DPY19L2: variants seen among roughly 807,000 people sequenced by gnomAD.
The protein encoded by DPY19L2 is dpy-19 like 2, also known as probable C-mannosyltransferase DPY19L2.
A neutral mutation model predicts 97.9 loss-of-function variants in DPY19L2; 34 were observed. The observed-to-expected ratio is 0.35, with a 90% CI of 0.26 to 0.46. DPY19L2 has a LOEUF of 0.46. Ranked by LOEUF, DPY19L2 falls within the 20% of genes least tolerant of loss-of-function variation. DPY19L2 has a pLI of 1.00. For missense variants in DPY19L2, 623 were observed against 911.4 expected, an observed-to-expected ratio of 0.68 and a Z score of 4.07; for synonymous variants, 230 against 307.9, an observed-to-expected ratio of 0.75 and a Z score of 2.65.
chr12:63,594,910 A>G (rs1230784295), intron 15 of DPY19L2, among the ~76,000 whole-genome samples: 2 of 152,168 alleles, frequency 1.3e-5, no homozygotes, highest in East Asian at 3.9e-4. Flanking sequence ...GAAACAGGCC[A>G]GTAGAGAAAA....
intron 2 of DPY19L2, among the ~76,000 whole-genome samples, chr12:63,664,867 A>G (rs944142777): frequency 5.9e-5 from 9 of 152,122 alleles, no homozygotes; most frequent in Non-Finnish European, 1.2e-4. Context: ...ATTCTCTACC[A>G]TTGCAGCCTC....
At chr12:63,588,745 C>CTTTTTTTTTTT (rs913709153) in intron 16 of DPY19L2, among the ~76,000 whole-genome samples, 5 of 129,920 alleles carry the variant, frequency 3.8e-5, no homozygotes, top group Non-Finnish European at 6.5e-5. Context: ...AGGAAACTTT[C>CTTTTTTTTTTT]TTTTTTTTTT....
intron 1 of DPY19L2, among the ~76,000 whole-genome samples, chr12:63,667,500 C>G (rs959091422): frequency 1.4e-4 from 21 of 152,150 alleles, no homozygotes; most frequent in African/African-American, 5.1e-4. Flanking sequence ...AGAATGTCCC[C>G]TGGACCACGG....
intron 6 of DPY19L2, among the ~76,000 whole-genome samples, chr12:63,634,973 A>G (rs1891397781): frequency 6.6e-6 from 1 of 152,214 alleles, no homozygotes; most frequent in African/African-American, 2.4e-5. Flanking sequence ...AACAACAGAC[A>G]GACTGCCTGC....
intron 4 of DPY19L2, among the ~76,000 whole-genome samples, chr12:63,655,675 A>G (rs1039932462): frequency 4.1e-5 from 6 of 147,540 alleles, no homozygotes; most frequent in African/African-American, 1.5e-4. Context: ...TGAAAAGGAT[A>G]TTGTTTACCT....
At chr12:63,628,508 G>A (rs180745646) in intron 6 of DPY19L2, among the ~76,000 whole-genome samples, 5 of 152,106 alleles carry the variant, frequency 3.3e-5, no homozygotes, top group Admixed American at 2.0e-4. Context: ...AGGCGGCAGC[G>A]AGGATGGGGG....
intron 21 of DPY19L2, among the ~76,000 whole-genome samples, chr12:63,563,363 T>C (rs1264267420): frequency 1.3e-5 from 2 of 152,174 alleles, no homozygotes; most frequent in African/African-American, 4.8e-5. Context: ...GTTACAATAA[T>C]TTTCTTCCAT....
intron 12 of DPY19L2, among the ~76,000 whole-genome samples, chr12:63,603,287 C>T (rs1885485784): frequency 1.3e-5 from 2 of 152,144 alleles, no homozygotes; most frequent in African/African-American, 4.8e-5. Context: ...ATATCTACCC[C>T]TCTGTGTATC....
chr12:63,667,709 A>G (rs3855609), intron 1 of DPY19L2, among the ~76,000 whole-genome samples: 88,628 of 151,828 alleles, frequency 0.58, 26,519 homozygotes, highest in East Asian at 0.86. Context: ...TCAAATTTGT[A>G]CCTTTAATTC....
At chr12:63,595,904 A>G in intron 15 of DPY19L2, 62 bp downstream of exon 15, 1 of 1,442,050 alleles carries the variant, frequency 6.9e-7, no homozygotes, top group South Asian at 1.3e-5. Flanking sequence ...ATTCTGAGCA[A>G]TTTGCATTCT....
At position 63,621,156 on chromosome 12, in the gene DPY19L2, C is replaced by T. The variant is rs1888634712; in HGVS notation, c.1053+82G>A. ...AAAAACCACCATGGCATACATTTACCTACATAACAAACCTGTACATCCCGC... is the reference window on the plus strand; with the variant it reads ...AAAAACCACCATGGCATACATTTACTTACATAACAAACCTGTACATCCCGC... On this transcript the variant is annotated intron_variant, in intron 9 of 21. Coordinates refer to ENST00000324472, the MANE Select transcript of DPY19L2 (RefSeq NM_173812.5). 5 of 1,176,380 alleles carry T rather than the reference C, an allele frequency of 4.3e-6. 1 individual carries two copies. The highest frequency in any genetic ancestry group is 6.0e-6 in the Non-Finnish European group (5 of 828,798). The allele number at this position is 1,176,380 out of a possible 1,614,324, so 72.9% of individuals were successfully genotyped here.
intron 12 of DPY19L2, among the ~76,000 whole-genome samples, chr12:63,602,169 A>T (rs1364868043): frequency 6.6e-6 from 1 of 152,132 alleles, no homozygotes; most frequent in African/African-American, 2.4e-5. Context: ...AATTTAAACA[A>T]GAAATTCAAA....
At chr12:63,571,607 A>G (rs907537049) in intron 19 of DPY19L2, among the ~76,000 whole-genome samples, 25 of 152,164 alleles carry the variant, frequency 1.6e-4, no homozygotes, top group African/African-American at 5.8e-4. Flanking sequence ...GATGTGCCAT[A>G]AAAAAGGAAA....
In DPY19L2 at chr12:63,570,935, G is replaced by A. The variant is rs906884039; in HGVS notation, c.1901-78C>T. 1.5e-5 allele frequency: 22 copies of A among 1,446,050 alleles called. 1 individual carries two copies. The African/African-American group carries it at 3.0e-4, about 20-fold the overall frequency. The allele number at this position is 1,446,050 out of a possible 1,614,324, so 89.6% of individuals were successfully genotyped here. The stretch of plus-strand genomic sequence containing the variant: ...GAAGTTAAACTTACCTCTAATATGT[G>A]AACCCAAATTAAGAAGGATGATGCC... On this transcript the variant is annotated intron_variant, in intron 19 of 21. Coordinates refer to ENST00000324472, the MANE Select transcript of DPY19L2 (RefSeq NM_173812.5).
intron 19 of DPY19L2, among the ~76,000 whole-genome samples, chr12:63,578,227 G>A (rs1880222859): frequency 6.6e-6 from 1 of 151,928 alleles, no homozygotes; most frequent in African/African-American, 2.4e-5. Context: ...GACAAACTTT[G>A]CAGGTTCTTA....
chr12:63,630,224 C>T (rs1890348869), intron 6 of DPY19L2, among the ~76,000 whole-genome samples: 1 of 152,032 alleles, frequency 6.6e-6, no homozygotes, highest in South Asian at 2.1e-4. Flanking sequence ...CAATATTAAC[C>T]TTAAATGTAA....
At position 63,612,627 on chromosome 12, in the gene DPY19L2, A is replaced by G. The variant is rs1235501294; in HGVS notation, c.1219-3952T>C. ...TTAAAAAAAAAAAAAAGGACTAGGA[A>G]AAAAGGAGAGCAAAACCCAAAGTAA... On this transcript the variant is annotated intron_variant, in intron 11 of 21. Transcript: ENST00000324472. 2.0e-5 allele frequency among the ~76,000 whole-genome samples: 3 copies of G among 150,482 alleles called. No individual in the cohort carries two copies. In the East Asian group the frequency reaches 5.8e-4, roughly 29 times the overall value.
At chr12:63,573,946 A>G (rs1879359570) in intron 19 of DPY19L2, among the ~76,000 whole-genome samples, 1 of 152,148 alleles carries the variant, frequency 6.6e-6, no homozygotes, top group Non-Finnish European at 1.5e-5. Flanking sequence ...TTCAATCTGA[A>G]AGAAAAGGAC....
At chr12:63,573,244 A>C (rs940675357) in intron 19 of DPY19L2, among the ~76,000 whole-genome samples, 1 of 152,084 alleles carries the variant, frequency 6.6e-6, no homozygotes, top group Non-Finnish European at 1.5e-5. Context: ...GATAAAGTTA[A>C]CAAATAAATT....
Sources: gnomAD v4.1 joint callset for allele counts (sites outside exome capture counted in the v4.1 genomes callset) on GRCh38, gnomAD v4.1.1 for gene constraint, MANE v1.5 for transcripts, NCBI Gene and HGNC (gene_info 2026-07-23, HGNC 2026-07-21) for gene names.